The following RBM15 variants were observed in gnomAD, a reference collection of about 807,000 sequenced individuals.
RBM15 encodes the protein RNA-binding protein 15.
Under a neutral mutation model 62.6 loss-of-function variants are expected in RBM15, and 8 were observed. The ratio of observed to expected loss-of-function variants is 0.13; its 90% CI spans 0.07 to 0.23. The LOEUF (loss-of-function observed/expected upper bound fraction) is 0.23, where lower values mean the gene tolerates loss of function less well. RBM15 is among the 10% of genes least tolerant of loss of function. The pLI is 1.00. For synonymous variants in RBM15, 606 were observed against 505.7 expected (o/e 1.20, Z -2.66); for missense variants, 1,144 against 1,286.5 (o/e 0.89, Z 1.69).
At position 110,339,580 on chromosome 1, in the gene RBM15, C is replaced by T. The variant is rs1018037634; in HGVS notation, c.175C>T (p.Arg59Cys). 6 of 1,607,474 alleles carry T rather than the reference C, an allele frequency of 3.7e-6. No individual in the cohort carries two copies. The highest frequency in any genetic ancestry group is 1.3e-5 in the African/African-American group (1 of 74,928). Reference sequence around the variant, plus strand: ...CTCGCCAGTGAAGGCCAAACGCTCCCGTGGTGGTGAGGACTCGACTTCCCG... The same window carrying T: ...CTCGCCAGTGAAGGCCAAACGCTCCTGTGGTGGTGAGGACTCGACTTCCCG... The part of the protein sequence containing the change: ...ERSPVKAKRS[R>C]GGEDSTSRGE... The change falls in exon 1 of 3, where the codon CGT (arginine) becomes TGT (cysteine). Residue 59 changes from arginine (R) to cysteine (C), a missense_variant. Arg to Cys is a radical substitution (Grantham distance 180). Coordinates refer to ENST00000369784, the MANE Select transcript of RBM15 (RefSeq NM_022768.5).
rs768732705 is a variant in RBM15, at chr1:110,339,867, T to C, written c.462T>C (p.Ser154=). 5 of 1,602,688 alleles carry C rather than the reference T, an allele frequency of 3.1e-6. No individual in the cohort carries two copies. The highest frequency in any genetic ancestry group is 4.3e-6 in the Non-Finnish European group (5 of 1,171,668). Residue 154 remains serine, a synonymous_variant, in exon 1 of 3, where the codon TCT becomes TCC. Coordinates refer to ENST00000369784, the MANE Select transcript of RBM15 (RefSeq NM_022768.5). ...SRGGGGESRS[S]GAASSAPGGG... is the part of the protein sequence containing the mutation. ...GTGGAGGCGGGGAGTCACGTTCCTC[T>C]GGGGCCGCCTCCTCAGCTCCCGGCG... is the stretch of plus-strand genomic sequence containing the variant.
At chr1:110,342,306 CT>C (rs747663988) in intron 1 of RBM15, 38 bp downstream of exon 1, 1 of 1,487,124 alleles carries the variant, frequency 6.7e-7, no homozygotes. Context: ...GTATTTACTA[CT>C]TTGACATGGT....
Position 110,341,194 on chromosome 1 carries a change from A to C in RBM15, c.1789A>C (p.Ser597Arg). ...VPPPPPVRER[S>R]TRTAATSVPA... Reference sequence around the variant, plus strand: ...ACCCCCACCCCCAGTCCGAGAACGCAGCACTCGGACTGCAGCTACTTCTGT... The same window carrying C: ...ACCCCCACCCCCAGTCCGAGAACGCCGCACTCGGACTGCAGCTACTTCTGT... Residue 597 changes from serine to arginine, a missense_variant, in exon 1 of 3, where the codon AGC (serine) becomes CGC (arginine). By Grantham distance (110) the Ser-to-Arg change is moderately radical. Around this residue, in one of 8 missense-constraint regions of RBM15, gnomAD observed 360 missense variants for 342.9 expected, o/e 1.05. Transcript: ENST00000369784. This position sits in a 1 kb window ranked among gnomAD's most constrained non-coding sequence, Gnocchi z 4.5. 6.2e-7 allele frequency: 1 copy of C among 1,614,112 alleles called. No homozygotes were observed. Among genetic ancestry groups the C allele is most frequent in the East Asian group, 2.2e-5 (1 of 44,882 alleles).
chr1:110,340,627 CCTT>C lies in RBM15; in HGVS notation c.1225_1227del (p.Ser409del). Reference sequence around the variant, plus strand: ...CATCACAGAAGTAGATATCAAGAGGCCTTCTCGCGGCCAGACTAGTACTTACGG... The same window carrying C: ...CATCACAGAAGTAGATATCAAGAGGCCTCGCGGCCAGACTAGTACTTACGG... On this transcript the variant is annotated inframe_deletion, in exon 1 of 3. Transcript: ENST00000369784. The surrounding 1 kb of genome is among the most constrained non-coding windows in gnomAD (Gnocchi z 5.8). 6.2e-7 allele frequency: 1 copy of C among 1,614,198 alleles called. No homozygotes were observed. Among genetic ancestry groups the C allele is most frequent in the Non-Finnish European group, 8.5e-7 (1 of 1,180,018 alleles).
chr1:110,341,227 T>C lies in RBM15; in HGVS notation c.1822T>C (p.Tyr608His). The C allele has an allele frequency of 1.2e-6, 2 of 1,614,054 alleles. No individual in the cohort carries two copies. Among genetic ancestry groups the C allele is most frequent in the Admixed American group, 1.7e-5 (1 of 60,024 alleles). Residue 608 changes from tyrosine to histidine, a missense_variant, in exon 1 of 3, where the codon TAC (tyrosine) becomes CAC (histidine). Tyr to His is a moderately conservative substitution (Grantham distance 83). Around this residue, in one of 8 missense-constraint regions of RBM15, gnomAD observed 360 missense variants for 342.9 expected, o/e 1.05. Transcript: ENST00000369784. This position sits in a 1 kb window ranked among gnomAD's most constrained non-coding sequence, Gnocchi z 4.5. ...TRTAATSVPA[Y>H]EPLDSLDRRR... ...GACTGCAGCTACTTCTGTGCCTGCT[T>C]ACGAGCCACTGGATAGCCTAGATCG...
At chr1:110,344,140 A>C (rs1237399650) in intron 1 of RBM15, among the ~76,000 whole-genome samples, 3 of 152,190 alleles carry the variant, frequency 2.0e-5, no homozygotes. Context: ...TCTTGCTTTC[A>C]AAAAGCTGTG....
chr1:110,339,930 C>T lies in RBM15; in HGVS notation c.525C>T (p.Ser175=). The change falls in exon 1 of 3, where the codon AGC becomes AGT. Residue 175 remains serine, a synonymous_variant. Transcript: ENST00000369784. Reference sequence around the variant, plus strand: ...CGGAATACAAGACTCTGAAGATAAGCGAGTTGGGGTCCCAGCTTAGTGACG... The same window carrying T: ...CGGAATACAAGACTCTGAAGATAAGTGAGTTGGGGTCCCAGCTTAGTGACG... The part of the protein sequence containing the change: ...DGAEYKTLKI[S]ELGSQLSDEA... The T allele has an allele frequency of 1.9e-6, 3 of 1,613,790 alleles. No homozygotes were observed. The highest frequency in any genetic ancestry group is 2.5e-6 in the Non-Finnish European group (3 of 1,179,694).
rs770940994 is a variant in RBM15 at position 110,341,386 on chromosome 1, C to T, written c.1981C>T (p.Arg661Cys). 5 of 1,613,810 alleles carry T rather than the reference C, an allele frequency of 3.1e-6. No homozygotes were observed. In the African/African-American group the frequency reaches 6.7e-5, roughly 22 times the overall value. ...TCTGGATAGGTCTCCTGAGAGTGAC[C>T]GCCCACGAAAACGTCACTGCGCTCC... Reference protein sequence around the residue: ...RHLDRSPESDRPRKRHCAPSP... With the variant: ...RHLDRSPESDCPRKRHCAPSP... Residue 661 changes from arginine (R) to cysteine (C), a missense_variant, in exon 1 of 3, where the codon CGC becomes TGC. This residue lies in a region of RBM15 where 360 missense variants were observed against 342.9 expected (regional missense o/e 1.05). Transcript: ENST00000369784. The surrounding 1 kb of genome is among the most constrained non-coding windows in gnomAD (Gnocchi z 4.5).
Position 110,339,895 on chromosome 1 carries a change from G to C in RBM15, c.490G>C (p.Gly164Arg), listed in dbSNP as rs200067246. The part of the protein sequence containing the change: ...SGAASSAPGG[G>R]DGAEYKTLKI... ...GGCCGCCTCCTCAGCTCCCGGCGGCGGGGACGGCGCGGAATACAAGACTCT... is the reference window on the plus strand; with the variant it reads ...GGCCGCCTCCTCAGCTCCCGGCGGCCGGGACGGCGCGGAATACAAGACTCT... Residue 164 changes from glycine to arginine, a missense_variant, in exon 1 of 3, where the codon GGG becomes CGG. Gly to Arg is a moderately radical substitution (Grantham distance 125). Transcript: ENST00000369784. The C allele has an allele frequency of 6.2e-7, 1 of 1,604,892 alleles. No individual in the cohort carries two copies. Among genetic ancestry groups the C allele is most frequent in the East Asian group, 2.2e-5 (1 of 44,620 alleles).
chr1:110,344,665 A>G (rs941811633), intron 1 of RBM15, among the ~76,000 whole-genome samples: 1 of 152,180 alleles, frequency 6.6e-6, no homozygotes, highest in African/African-American at 2.4e-5. Context: ...TCTTTTGTGC[A>G]GGTTCATAAT....
Position 110,346,459 on chromosome 1 carries a change from C to A in RBM15, c.*192C>A. Reference sequence around the variant, plus strand: ...TTTGTGCATTTTACTAAAATGGCAGCTTAAAGTTGTGTATCTGCTATTGTG... The same window carrying A: ...TTTGTGCATTTTACTAAAATGGCAGATTAAAGTTGTGTATCTGCTATTGTG... On this transcript the variant is annotated 3_prime_UTR_variant, in exon 3 of 3. Coordinates refer to ENST00000369784, the MANE Select transcript of RBM15 (RefSeq NM_022768.5). The A allele has an allele frequency of 8.9e-7, 1 of 1,119,720 alleles. No homozygotes were observed. The highest frequency in any genetic ancestry group is 1.6e-5 in the African/African-American group (1 of 64,288). 69.4% of individuals were successfully genotyped at this position (1,119,720 alleles called of 1,614,324 possible).
At chr1:110,345,916 CTA>C (rs1305082761) in intron 2 of RBM15, among the ~76,000 whole-genome samples, 2 of 152,076 alleles carry the variant, frequency 1.3e-5, no homozygotes, top group Non-Finnish European at 2.9e-5. Flanking sequence ...AAAAGTTTGA[CTA>C]AACTTTACCT....
In RBM15 at chr1:110,345,731, T is replaced by C. The variant is rs553657679; in HGVS notation, c.*40+82T>C. 8 of 823,652 alleles carry C rather than the reference T, an allele frequency of 9.7e-6. No individual in the cohort carries two copies. The East Asian group carries it at 1.9e-4, about 19-fold the overall frequency. The allele number at this position is 823,652 out of a possible 1,614,324, so 51.0% of individuals were successfully genotyped here. A position where few individuals can be genotyped will look rare whatever the true frequency, so the allele number is the denominator to read the frequency against. The stretch of plus-strand genomic sequence containing the variant: ...GAGTTGAAAAGTGAGATTCCTGAAG[T>C]GTTCTTTGGCTGTTTAACAATTATT... On this transcript the variant is annotated intron_variant, in intron 2 of 2. Coordinates refer to ENST00000369784, the MANE Select transcript of RBM15 (RefSeq NM_022768.5).
chr1:110,339,866 C>G lies in RBM15; in HGVS notation c.461C>G (p.Ser154Cys). The G allele has an allele frequency of 1.2e-6, 2 of 1,602,850 alleles. No individual in the cohort carries two copies. The highest frequency in any genetic ancestry group is 1.7e-6 in the Non-Finnish European group (2 of 1,171,766). The change falls in exon 1 of 3, where the codon TCT (serine) becomes TGT (cysteine). Residue 154 changes from serine (S) to cysteine (C), a missense_variant. Physicochemically the swap from Ser to Cys is moderately radical, Grantham distance 112. Coordinates refer to ENST00000369784, the MANE Select transcript of RBM15 (RefSeq NM_022768.5). ...GGTGGAGGCGGGGAGTCACGTTCCT[C>G]TGGGGCCGCCTCCTCAGCTCCCGGC... ...SRGGGGESRSSGAASSAPGGG... is the reference protein window; with the variant it reads ...SRGGGGESRSCGAASSAPGGG...
intron 2 of RBM15, 23 bp from the exon 3 acceptor site, chr1:110,346,285 C>CT: frequency 6.3e-7 from 1 of 1,596,640 alleles, no homozygotes; most frequent in South Asian, 1.1e-5. Flanking sequence ...ACTGAATAAC[C>CT]TTTTTTTCCC....
Position 110,340,229 on chromosome 1 carries a change from C to T in RBM15, c.824C>T (p.Ala275Val), listed in dbSNP as rs780172636. The T allele has an allele frequency of 1.2e-6, 2 of 1,614,084 alleles. No individual in the cohort carries two copies. Among genetic ancestry groups the T allele is most frequent in the African/African-American group, 1.3e-5 (1 of 74,924 alleles). ...TYPPSASVVGASVGGHRHPPG... is the reference protein window; with the variant it reads ...TYPPSASVVGVSVGGHRHPPG... The stretch of plus-strand genomic sequence containing the variant: ...CCTCCATCAGCCAGTGTGGTCGGGG[C>T]CTCTGTAGGTGGTCACCGGCACCCC... The change falls in exon 1 of 3, where the codon GCC (alanine) becomes GTC (valine). Residue 275 changes from alanine to valine, a missense_variant. By Grantham distance (64) the Ala-to-Val change is moderately conservative. Transcript: ENST00000369784. The surrounding 1 kb of genome is among the most constrained non-coding windows in gnomAD (Gnocchi z 5.8).
rs200277475 is a variant in RBM15 at position 110,340,204 on chromosome 1, C to T, written c.799C>T (p.Pro267Ser). The change falls in exon 1 of 3, where the codon CCT becomes TCT. Residue 267 changes from proline to serine, a missense_variant. By Grantham distance (74) the Pro-to-Ser change is moderately conservative. Around this residue, in one of 8 missense-constraint regions of RBM15, gnomAD observed 188 missense variants for 185.6 expected, o/e 1.01. Coordinates refer to ENST00000369784, the MANE Select transcript of RBM15 (RefSeq NM_022768.5). This position sits in a 1 kb window ranked among gnomAD's most constrained non-coding sequence, Gnocchi z 5.8. ...CTCCCCTTTAGACAAAGATACTTAT[C>T]CTCCATCAGCCAGTGTGGTCGGGGC... ...SRSPLDKDTYPPSASVVGASV... is the reference protein window; with the variant it reads ...SRSPLDKDTYSPSASVVGASV... 2.5e-5 allele frequency: 41 copies of T among 1,614,148 alleles called. No individual in the cohort carries two copies. The Admixed American group carries it at 3.8e-4, about 15-fold the overall frequency.
rs201292259 is a variant in RBM15 at position 110,339,494 on chromosome 1, G to C, written c.89G>C (p.Arg30Pro). Residue 30 changes from arginine to proline, a missense_variant, in exon 1 of 3, where the codon CGG becomes CCG. This residue lies in a region of RBM15 where 298 missense variants were observed against 250.0 expected (regional missense o/e 1.19). Coordinates refer to ENST00000369784, the MANE Select transcript of RBM15 (RefSeq NM_022768.5). ...VPLCETSAGR[R>P]VTQLRGDDLR... Reference sequence around the variant, plus strand: ...CTGTGTGAAACGAGCGCGGGGCGGCGGGTTACTCAGCTCCGCGGAGACGAC... The same window carrying C: ...CTGTGTGAAACGAGCGCGGGGCGGCCGGTTACTCAGCTCCGCGGAGACGAC... 10 of 1,583,294 alleles carry C rather than the reference G, an allele frequency of 6.3e-6. No individual in the cohort carries two copies. In the East Asian group the frequency reaches 1.6e-4, roughly 25 times the overall value.
In RBM15 at chr1:110,342,177, A is replaced by G; in HGVS notation, c.2772A>G (p.Pro924=). The change falls in exon 1 of 3, where the codon CCA becomes CCG. Residue 924 remains proline (P), a synonymous_variant. Coordinates refer to ENST00000369784, the MANE Select transcript of RBM15 (RefSeq NM_022768.5). The part of the protein sequence containing the change: ...KENTGVLHAF[P]PCEFSQQFLD... ...ACACCGGGGTCCTTCATGCCTTCCC[A>G]CCTTGTGAGTTCTCCCAGCAGTTCC... 6.2e-7 allele frequency: 1 copy of G among 1,613,944 alleles called. No homozygotes were observed. Among genetic ancestry groups the G allele is most frequent in the Non-Finnish European group, 8.5e-7 (1 of 1,179,904 alleles).
Sources: gnomAD v4.1 joint callset for allele counts (sites outside exome capture counted in the v4.1 genomes callset) on GRCh38, gnomAD v4.1.1 for gene constraint, gnomAD v4.1.1 regional missense constraint, Gnocchi (gnomAD v3.1) non-coding constraint, MANE v1.5 for transcripts, NCBI Gene and HGNC (gene_info 2026-07-23, HGNC 2026-07-21) for gene names.